EPB41L4A: variants seen among roughly 807,000 people sequenced by gnomAD.
EPB41L4A encodes band 4.1-like protein 4A.
A neutral mutation model predicts 108.6 loss-of-function variants in EPB41L4A; 100 were observed. The ratio of observed to expected loss-of-function variants is 0.92; its 90% CI spans 0.78 to 1.09. The LOEUF (loss-of-function observed/expected upper bound fraction) is 1.09, where lower values mean the gene tolerates loss of function less well. Among genes scored for constraint, EPB41L4A ranks in the 50% least tolerant of loss-of-function variants. The pLI is 0.00. For synonymous variants in EPB41L4A, 319 were observed against 289.0 expected (o/e 1.10, Z -1.05); for missense variants, 1,030 against 842.7 (o/e 1.22, Z -2.75).
chr5:112,204,053 T>C (rs1762347579), intron 15 of EPB41L4A, among the ~76,000 whole-genome samples: 2 of 151,266 alleles, frequency 1.3e-5, no homozygotes, highest in South Asian at 4.2e-4. Context: ...AAAAAAAAGA[T>C]ATACTGTCTC....
At chr5:112,150,941 T>C (rs1227284481) in intron 12 of EPB41L4A, among the ~76,000 whole-genome samples, 3 of 152,190 alleles carry the variant, frequency 2.0e-5, no homozygotes, top group Admixed American at 1.3e-4. Context: ...AATGAGCCTA[T>C]AAGCAGTGTT....
intron 2 of EPB41L4A, among the ~76,000 whole-genome samples, chr5:112,281,461 C>T (rs920568137): frequency 3.3e-5 from 5 of 152,206 alleles, no homozygotes; most frequent in Non-Finnish European, 7.3e-5. Flanking sequence ...AAAGCAGAGT[C>T]AAAGGGATAA....
chr5:112,230,023 T>C (rs1457964421), intron 12 of EPB41L4A, among the ~76,000 whole-genome samples: 1 of 151,758 alleles, frequency 6.6e-6, no homozygotes, highest in African/African-American at 2.4e-5. Context: ...GTCTCCAACC[T>C]GATCCAGGTT....
At chr5:112,402,657 T>G (rs186942024) in intron 1 of EPB41L4A, among the ~76,000 whole-genome samples, 2 of 152,066 alleles carry the variant, frequency 1.3e-5, no homozygotes, top group African/African-American at 4.8e-5. Context: ...ACCCCTCCCC[T>G]GGGGAGAAAA....
At chr5:112,180,786 A>G (rs1761106904) in intron 18 of EPB41L4A, among the ~76,000 whole-genome samples, 1 of 152,230 alleles carries the variant, frequency 6.6e-6, no homozygotes, top group Non-Finnish European at 1.5e-5. Flanking sequence ...CCTGGGAGAA[A>G]GTATTCATTC....
At chr5:112,151,430 C>T (rs1190362810) in intron 12 of EPB41L4A, among the ~76,000 whole-genome samples, 1 of 150,616 alleles carries the variant, frequency 6.6e-6, no homozygotes, top group African/African-American at 2.4e-5. Context: ...ATTTTTGAGA[C>T]AGAGTCCTGT....
chr5:112,232,276 A>G (rs1749013923), intron 12 of EPB41L4A, among the ~76,000 whole-genome samples: 1 of 152,184 alleles, frequency 6.6e-6, no homozygotes, highest in South Asian at 2.1e-4. Context: ...CATAAGCTTC[A>G]TGTAACTTGT....
chr5:112,333,247 C>T (rs1756686215), intron 1 of EPB41L4A, among the ~76,000 whole-genome samples: 1 of 151,862 alleles, frequency 6.6e-6, no homozygotes, highest in African/African-American at 2.4e-5. Context: ...GCTCCTAATT[C>T]CTTTCTGCTG....
intron 1 of EPB41L4A, among the ~76,000 whole-genome samples, chr5:112,398,713 T>C (rs1223099807): frequency 1.3e-5 from 2 of 152,088 alleles, no homozygotes; most frequent in African/African-American, 4.8e-5. Context: ...TTTCTTTCTT[T>C]CACCTGAGGT....
chr5:112,205,663 C>G (rs17134242), intron 13 of EPB41L4A, among the ~76,000 whole-genome samples, 159 bp from the exon 14 acceptor site: 4,460 of 152,270 alleles, frequency 0.029, 234 homozygotes, highest in African/African-American at 0.1. Context: ...GAAGTCGCTG[C>G]CCATAAAATC....
At chr5:112,419,751 C>G (rs1191175924), upstream of EPB41L4A, 1 of 456,784 alleles carries the variant, frequency 2.2e-6, no homozygotes, top group East Asian at 7.0e-5. Context: ...GGGCAGCAGG[C>G]TCCTTACCCA....
chr5:112,398,810 C>G (rs543329822), intron 1 of EPB41L4A, among the ~76,000 whole-genome samples: 2 of 151,826 alleles, frequency 1.3e-5, no homozygotes, highest in Non-Finnish European at 2.9e-5. Context: ...CAATCTTATT[C>G]GAGTTCATAG....
chr5:112,359,915 A>G (rs140362654), intron 1 of EPB41L4A, among the ~76,000 whole-genome samples: 120 of 152,360 alleles, frequency 7.9e-4, no homozygotes, highest in African/African-American at 2.8e-3. Context: ...CAGCATTTTC[A>G]CTTTCCATCT....
chr5:112,310,945 G>C (rs1057408812), intron 1 of EPB41L4A, among the ~76,000 whole-genome samples: 1 of 152,056 alleles, frequency 6.6e-6, no homozygotes, highest in Non-Finnish European at 1.5e-5. Flanking sequence ...AATAGCAAAG[G>C]CATCCAAAGA....
At chr5:112,321,169 G>A (rs1040502705) in intron 1 of EPB41L4A, among the ~76,000 whole-genome samples, 3 of 152,176 alleles carry the variant, frequency 2.0e-5, no homozygotes, top group Admixed American at 6.5e-5. Flanking sequence ...GAGAGAACAC[G>A]ACAAGAGTCA....
At chr5:112,239,765 CAA>C (rs761908453) in intron 10 of EPB41L4A, 28 bp from the exon 11 acceptor site, 4 of 1,536,388 alleles carry the variant, frequency 2.6e-6, no homozygotes, top group East Asian at 2.3e-5. Flanking sequence ...GAAAATCAGA[CAA>C]AGACTCAATG....
intron 1 of EPB41L4A, among the ~76,000 whole-genome samples, chr5:112,312,236 T>G (rs774301563): frequency 6.6e-6 from 1 of 152,230 alleles, no homozygotes. Context: ...AAAATTTTCA[T>G]GCAGAGGAAG....
chr5:112,254,736 C>A (rs1397450412), intron 9 of EPB41L4A, among the ~76,000 whole-genome samples: 1 of 152,098 alleles, frequency 6.6e-6, no homozygotes, highest in African/African-American at 2.4e-5. Context: ...TCATGATGCT[C>A]CTTATCTCTG....
At chr5:112,360,403 G>A (rs1758644379) in intron 1 of EPB41L4A, among the ~76,000 whole-genome samples, 1 of 152,214 alleles carries the variant, frequency 6.6e-6, no homozygotes, top group Non-Finnish European at 1.5e-5. Flanking sequence ...CCTGCCCAGT[G>A]CCTGGGATTG....
Sources: gnomAD v4.1 joint callset for allele counts (sites outside exome capture counted in the v4.1 genomes callset) on GRCh38, gnomAD v4.1.1 for gene constraint, MANE v1.5 for transcripts, NCBI Gene and HGNC (gene_info 2026-07-23, HGNC 2026-07-21) for gene names.